CFAP20DC: variants seen among roughly 807,000 people sequenced by gnomAD.
CFAP20DC encodes CFAP20 domain containing.
CFAP20DC carries 84 observed loss-of-function variants against 101.7 expected under a neutral mutation model. The observed-to-expected ratio is 0.83, with a 90% CI of 0.69 to 0.99. The LOEUF (loss-of-function observed/expected upper bound fraction) is 0.99. Ranked by LOEUF, CFAP20DC falls within the 50% of genes least tolerant of loss-of-function variation. The pLI is 0.00. For synonymous variants in CFAP20DC, 359 were observed against 351.2 expected (o/e 1.02, Z -0.25); for missense variants, 1,007 against 970.3 (o/e 1.04, Z -0.50).
At chr3:58,811,549 T>A (rs1232900474) in intron 14 of CFAP20DC, among the ~76,000 whole-genome samples, 1 of 152,118 alleles carries the variant, frequency 6.6e-6, no homozygotes, top group East Asian at 1.9e-4. Flanking sequence ...TATAAAAAAA[T>A]TAATTCAAGA....
At chr3:58,791,557 A>G (rs2072859757) in intron 15 of CFAP20DC, among the ~76,000 whole-genome samples, 1 of 152,196 alleles carries the variant, frequency 6.6e-6, no homozygotes, top group South Asian at 2.1e-4. Flanking sequence ...TAACATTCAA[A>G]TATGAAAATA....
Position 58,764,568 on chromosome 3 carries a change from G to A in CFAP20DC, c.2238-10705C>T, listed in dbSNP as rs9311684. Among the ~76,000 whole-genome samples the A allele has an allele frequency of 9.8e-3, 1,497 of 152,170 alleles. 23 individuals carry two copies. Among genetic ancestry groups the A allele is most frequent in the African/African-American group, 0.035 (1,453 of 41,524 alleles). ...CGATACTCCTCAGTGAGATGAACCC[G>A]GTACCTCAGTTGGAAATGCAGAAAT... On this transcript the variant is annotated intron_variant, in intron 15 of 16. Coordinates refer to ENST00000482387, the MANE Select transcript of CFAP20DC (RefSeq NM_001394063.1).
At chr3:58,815,011 A>C (rs1158298249) in intron 14 of CFAP20DC, among the ~76,000 whole-genome samples, 1 of 151,582 alleles carries the variant, frequency 6.6e-6, no homozygotes, top group African/African-American at 2.4e-5. Flanking sequence ...AAACTACTTT[A>C]AAGTTCATAT....
At chr3:58,829,858 T>G (rs2076280143) in intron 14 of CFAP20DC, among the ~76,000 whole-genome samples, 1 of 152,178 alleles carries the variant, frequency 6.6e-6, no homozygotes, top group African/African-American at 2.4e-5. Context: ...GTAATGTTGG[T>G]CTCCAAGCTA....
chr3:58,980,294 C>G (rs189240713), intron 4 of CFAP20DC, among the ~76,000 whole-genome samples: 2 of 152,252 alleles, frequency 1.3e-5, no homozygotes, highest in Non-Finnish European at 1.5e-5. Flanking sequence ...GAGCTGGTAC[C>G]ATTCCTTCTG....
At position 58,776,135 on chromosome 3, in the gene CFAP20DC, T is replaced by C. The variant is rs556014579; in HGVS notation, c.2238-22272A>G. On this transcript the variant is annotated intron_variant, in intron 15 of 16. Transcript: ENST00000482387. ...GCTAAGCCTCCCTTAACTCCCAATA[T>C]GGGGGTGAGCATGAGACCCAAGCTG... is the stretch of plus-strand genomic sequence containing the variant. 2.6e-5 allele frequency among the ~76,000 whole-genome samples: 4 copies of C among 152,220 alleles called. No homozygotes were observed. In the East Asian group the frequency reaches 7.7e-4, roughly 29 times the overall value.
At chr3:59,027,771 C>G (rs1423890095) in intron 4 of CFAP20DC, among the ~76,000 whole-genome samples, 1 of 152,194 alleles carries the variant, frequency 6.6e-6, no homozygotes, top group South Asian at 2.1e-4. Flanking sequence ...CTCCTGTGCA[C>G]CAGATGTCTG....
intron 15 of CFAP20DC, among the ~76,000 whole-genome samples, chr3:58,769,598 A>G (rs79088682): frequency 0.021 from 3,140 of 152,264 alleles, 104 homozygotes; most frequent in African/African-American, 0.07. Context: ...AGGTCAGGAG[A>G]GCATGCTCTG....
At chr3:58,853,301 G>C (rs1341402386) in intron 12 of CFAP20DC, among the ~76,000 whole-genome samples, 4 of 152,024 alleles carry the variant, frequency 2.6e-5, no homozygotes, top group African/African-American at 9.7e-5. Context: ...TTGAATCTCT[G>C]AATAGACCAA....
At chr3:58,846,758 C>G (rs1214887090) in intron 13 of CFAP20DC, among the ~76,000 whole-genome samples, 1 of 146,914 alleles carries the variant, frequency 6.8e-6, no homozygotes, top group Non-Finnish European at 1.5e-5. Context: ...TACCTGACTT[C>G]AAACTATACT....
At chr3:58,941,713 C>G (rs1047337349) in intron 4 of CFAP20DC, among the ~76,000 whole-genome samples, 3 of 151,886 alleles carry the variant, frequency 2.0e-5, no homozygotes, top group Non-Finnish European at 4.4e-5. Context: ...GGACTACAGG[C>G]GCCCGCCACT....
At chr3:58,829,815 GTC>G (rs1252430157) in intron 14 of CFAP20DC, among the ~76,000 whole-genome samples, 5 of 152,154 alleles carry the variant, frequency 3.3e-5, no homozygotes, top group Non-Finnish European at 7.3e-5. Context: ...AGCCTTTTCA[GTC>G]CATAAATAAT....
intron 15 of CFAP20DC, among the ~76,000 whole-genome samples, chr3:58,780,655 C>T (rs1559580305): frequency 6.6e-6 from 1 of 151,860 alleles, no homozygotes; most frequent in African/African-American, 2.4e-5. Flanking sequence ...TTATATCACA[C>T]AGAACAGATT....
intron 4 of CFAP20DC, among the ~76,000 whole-genome samples, chr3:58,976,631 A>C (rs1296343291): frequency 6.6e-6 from 1 of 152,186 alleles, no homozygotes; most frequent in Admixed American, 6.5e-5. Context: ...TTTTCATTCA[A>C]CATCATTCCC....
chr3:58,951,037 C>G (rs2090044999), intron 4 of CFAP20DC, among the ~76,000 whole-genome samples: 1 of 152,152 alleles, frequency 6.6e-6, no homozygotes, highest in Non-Finnish European at 1.5e-5. Flanking sequence ...TATCCAGAAT[C>G]TACAATGAAC....
chr3:59,047,246 T>G lies in CFAP20DC; in HGVS notation c.30A>C (p.Ala10=), dbSNP rs953563368. 4.6e-6 allele frequency: 7 copies of G among 1,530,738 alleles called. No individual in the cohort carries two copies. Among genetic ancestry groups the G allele is most frequent in the Non-Finnish European group, 6.1e-6 (7 of 1,142,176 alleles). 94.8% of individuals were successfully genotyped at this position (1,530,738 alleles called of 1,614,324 possible). A position where few individuals can be genotyped will look rare whatever the true frequency, so the allele number is the denominator to read the frequency against. The change falls in exon 2 of 17, where the codon GCA becomes GCC. Residue 10 remains alanine, a synonymous_variant. Transcript: ENST00000482387. MFKNEYQGG[A]FVEIFSAQGK... is the part of the protein sequence containing the mutation. ...CTTGAGCACTGAAAATTTCAACAAA[T>G]GCACCTCCCTAGAAAATGAAAATAA...
intron 6 of CFAP20DC, among the ~76,000 whole-genome samples, chr3:58,900,030 G>T (rs1050612718): frequency 1.3e-5 from 2 of 152,154 alleles, no homozygotes; most frequent in African/African-American, 4.8e-5. Context: ...ATAGCATAAG[G>T]CGTCAGGGAA....
intron 15 of CFAP20DC, among the ~76,000 whole-genome samples, chr3:58,769,672 G>C (rs769747964): frequency 6.6e-6 from 1 of 152,054 alleles, no homozygotes; most frequent in Non-Finnish European, 1.5e-5. Flanking sequence ...TGAGAATTAC[G>C]CTTGCCAGAC....
rs1401946398 is a variant in CFAP20DC, at chr3:59,015,719, C to A, written c.278+23838G>T. 1.3e-5 allele frequency among the ~76,000 whole-genome samples: 2 copies of A among 152,082 alleles called. No homozygotes were observed. Among genetic ancestry groups the A allele is most frequent in the Non-Finnish European group, 1.5e-5 (1 of 67,990 alleles). ...AATACAGTCTTAGAACGAGGCCTCA[C>A]AGACATCCAGACTTCTTTCCATAAG... On this transcript the variant is annotated intron_variant, in intron 4 of 16. Transcript: ENST00000482387. The surrounding 1 kb of genome is among the most constrained non-coding windows in gnomAD (Gnocchi z 5.4).
Sources: gnomAD v4.1 joint callset for allele counts (sites outside exome capture counted in the v4.1 genomes callset) on GRCh38, gnomAD v4.1.1 for gene constraint, Gnocchi (gnomAD v3.1) non-coding constraint, MANE v1.5 for transcripts, NCBI Gene and HGNC (gene_info 2026-07-23, HGNC 2026-07-21) for gene names.